The following DNAH17 variants were observed in gnomAD, a reference collection of about 807,000 sequenced individuals.
DNAH17 encodes dynein axonemal heavy chain 17, also known as axonemal beta dynein heavy chain 17.
In DNAH17, 376 loss-of-function variants were observed where a neutral mutation model predicts 485.6. The observed-to-expected ratio is 0.77, with a 90% CI of 0.71 to 0.84. The LOEUF is 0.84. Ranked by LOEUF, DNAH17 falls within the 40% of genes least tolerant of loss-of-function variation. The pLI, the probability that DNAH17 is intolerant of heterozygous loss-of-function variation, is 0.00. For missense variants in DNAH17, 6,370 were observed against 5,839.3 expected (o/e 1.09, Z -2.96); for synonymous variants, 3,031 against 2,405.9 (o/e 1.26, Z -7.60).
At chr17:78,436,010 T>C (rs545201880) in intron 74 of DNAH17, among the ~76,000 whole-genome samples, 1 of 152,340 alleles carries the variant, frequency 6.6e-6, no homozygotes, top group East Asian at 1.9e-4. Flanking sequence ...TGGTTGGGAA[T>C]TGTTAATGGG....
chr17:78,479,008 A>C lies in DNAH17; in HGVS notation c.7992+17T>G, dbSNP rs771448527. 48 of 1,610,618 alleles carry C rather than the reference A, an allele frequency of 3.0e-5. No homozygotes were observed. The highest frequency in any genetic ancestry group is 4.0e-5 in the Non-Finnish European group (47 of 1,177,350). On this transcript the variant is annotated intron_variant, in intron 51 of 80. Coordinates refer to ENST00000389840, the MANE Select transcript of DNAH17 (RefSeq NM_173628.4). The stretch of plus-strand genomic sequence containing the variant: ...GGACCGTAAGGCAGGCATGACATAA[A>C]GCTACAAGAGCAGTACCTGGAAAAT...
chr17:78,493,928 T>G, intron 41 of DNAH17, 108 bp downstream of exon 41: 2 of 1,426,562 alleles, frequency 1.4e-6, no homozygotes, highest in Non-Finnish European at 1.9e-6. Context: ...CAGGATGTAC[T>G]GGGTTGGGGT....
At chr17:78,542,936 G>A (rs1034153493) in intron 17 of DNAH17, among the ~76,000 whole-genome samples, 1 of 152,226 alleles carries the variant, frequency 6.6e-6, no homozygotes, top group Non-Finnish European at 1.5e-5. Flanking sequence ...ATCCTGGGAA[G>A]ACAAGATTTG....
In DNAH17 at chr17:78,488,432, G is replaced by T. The variant is rs370108621; in HGVS notation, c.6819-1926C>A. 3.0e-4 allele frequency among the ~76,000 whole-genome samples: 45 copies of T among 152,288 alleles called. No homozygotes were observed. In the South Asian group the frequency reaches 4.8e-3, roughly 16 times the overall value. ...GCTTCCTCCAGGTCACTCCTTGGAG[G>T]TGTCCAGTTCCTGCCTTGGCCCACG... is the stretch of plus-strand genomic sequence containing the variant. On this transcript the variant is annotated intron_variant, in intron 44 of 80. Coordinates refer to ENST00000389840, the MANE Select transcript of DNAH17 (RefSeq NM_173628.4).
At chr17:78,544,050 G>A in intron 16 of DNAH17, 53 bp from the exon 17 acceptor site, 1 of 1,611,560 alleles carries the variant, frequency 6.2e-7, no homozygotes, top group Non-Finnish European at 8.5e-7. Flanking sequence ...ACTGCTTTCA[G>A]TCGCAGTCCT....
At position 78,429,297 on chromosome 17, in the gene DNAH17, G is replaced by A. The variant is rs781554520; in HGVS notation, c.12229C>T (p.Pro4077Ser). Residue 4077 changes from proline (P) to serine (S), a missense_variant, in exon 76 of 81, where the codon CCC (proline) becomes TCC (serine). By Grantham distance (74) the Pro-to-Ser change is moderately conservative. Coordinates refer to ENST00000389840, the MANE Select transcript of DNAH17 (RefSeq NM_173628.4). Reference protein sequence around the residue: ...YNYLEANPKVPWDDLRYLFGE... With the variant: ...YNYLEANPKVSWDDLRYLFGE... ...AAAAGGTAGCGGAGATCGTCCCAGGGCACCTGAGGAAGGATGACAGCGGGT... is the reference window on the plus strand; with the variant it reads ...AAAAGGTAGCGGAGATCGTCCCAGGACACCTGAGGAAGGATGACAGCGGGT... 2.5e-6 allele frequency: 4 copies of A among 1,613,214 alleles called. No individual in the cohort carries two copies. In the Admixed American group the frequency reaches 5.0e-5, roughly 20 times the overall value.
At chr17:78,572,437 T>C (rs1322638052) in intron 3 of DNAH17, among the ~76,000 whole-genome samples, 1 of 152,090 alleles carries the variant, frequency 6.6e-6, no homozygotes, top group Non-Finnish European at 1.5e-5. Flanking sequence ...GGCACACATG[T>C]GTGACCCAGC....
chr17:78,534,600 G>A (rs762738975), intron 19 of DNAH17, among the ~76,000 whole-genome samples: 12 of 152,200 alleles, frequency 7.9e-5, no homozygotes, highest in Non-Finnish European at 1.3e-4. Flanking sequence ...ACAGGCAGGT[G>A]CTTCTGGATT....
intron 54 of DNAH17, among the ~76,000 whole-genome samples, chr17:78,473,388 C>CA: frequency 6.6e-6 from 1 of 151,816 alleles, no homozygotes; most frequent in Non-Finnish European, 1.5e-5. Context: ...ACTAAAAATA[C>CA]AAAAAATTAG....
chr17:78,460,285 A>G, intron 58 of DNAH17, 28 bp from the exon 59 acceptor site: 1 of 1,552,466 alleles, frequency 6.4e-7, no homozygotes, highest in Non-Finnish European at 8.7e-7. Context: ...AGGAGAGGTT[A>G]CTGCAGGCCT....
At chr17:78,436,821 G>A (rs2086862622) in intron 74 of DNAH17, among the ~76,000 whole-genome samples, 1 of 150,220 alleles carries the variant, frequency 6.7e-6, no homozygotes, top group Non-Finnish European at 1.5e-5. Flanking sequence ...CTCCAGCCTG[G>A]GTGACAGAGT....
In DNAH17 at chr17:78,477,890, C is replaced by A. The variant is rs1001769645; in HGVS notation, c.7992+1135G>T. 4.6e-5 allele frequency among the ~76,000 whole-genome samples: 7 copies of A among 151,742 alleles called. No homozygotes were observed. The South Asian group carries it at 1.5e-3, about 31-fold the overall frequency. Reference sequence around the variant, plus strand: ...TTACCATCACCACCACCATCGCTATCATCACCACCATCATCATTACCACAT... The same window carrying A: ...TTACCATCACCACCACCATCGCTATAATCACCACCATCATCATTACCACAT... On this transcript the variant is annotated intron_variant, in intron 51 of 80. Transcript: ENST00000389840.
At chr17:78,572,550 A>G in intron 3 of DNAH17, 151 bp downstream of exon 3, 2 of 757,634 alleles carry the variant, frequency 2.6e-6, no homozygotes, top group Non-Finnish European at 4.1e-6. Flanking sequence ...CTAACGCACC[A>G]CCTTGCCCTG....
chr17:78,569,755 A>G (rs2092323282), intron 7 of DNAH17, among the ~76,000 whole-genome samples: 2 of 152,160 alleles, frequency 1.3e-5, no homozygotes, highest in Admixed American at 6.5e-5. Context: ...GTCGCAGATG[A>G]TGAGAGGCCC....
rs775560748 is a variant in DNAH17 at position 78,429,163 on chromosome 17, C to T, written c.12363G>A (p.Leu4121=). The part of the protein sequence containing the change: ...IRTEMLEGDV[L]LAPGFQIPPN... ...GGGGGATCTGAAAGCCGGGGGCCAG[C>T]AGGACGTCTCCCTCCAGCATCTCCG... Residue 4121 remains leucine, a synonymous_variant, in exon 76 of 81, where the codon CTG becomes CTA. Transcript: ENST00000389840. The T allele has an allele frequency of 3.2e-5, 51 of 1,613,600 alleles. No homozygotes were observed. Among genetic ancestry groups the T allele is most frequent in the African/African-American group, 1.3e-5 (1 of 74,892 alleles).
intron 54 of DNAH17, among the ~76,000 whole-genome samples, chr17:78,472,412 C>A (rs1027455552): frequency 5.9e-5 from 9 of 151,982 alleles, no homozygotes; most frequent in African/African-American, 2.2e-4. Context: ...TAACATGAGG[C>A]CAAGCCCCCA....
chr17:78,430,992 C>T (rs2086650330), intron 75 of DNAH17, among the ~76,000 whole-genome samples: 1 of 152,040 alleles, frequency 6.6e-6, no homozygotes, highest in African/African-American at 2.4e-5. Flanking sequence ...GCGACCCTCC[C>T]ACTTCAGCCT....
intron 19 of DNAH17, among the ~76,000 whole-genome samples, chr17:78,535,599 G>A (rs1347396511): frequency 6.6e-6 from 1 of 152,156 alleles, no homozygotes; most frequent in African/African-American, 2.4e-5. Context: ...GTAAATATAT[G>A]TTATGACAAA....
intron 53 of DNAH17, 40 bp from the exon 54 acceptor site, chr17:78,475,509 C>T (rs781052326): frequency 6.2e-7 from 1 of 1,612,296 alleles, no homozygotes; most frequent in African/African-American, 1.3e-5. Flanking sequence ...CTTGTAGCAC[C>T]TGGAATCACC....
Sources: gnomAD v4.1 joint callset for allele counts (sites outside exome capture counted in the v4.1 genomes callset) on GRCh38, gnomAD v4.1.1 for gene constraint, MANE v1.5 for transcripts, NCBI Gene and HGNC (gene_info 2026-07-23, HGNC 2026-07-21) for gene names.